Variants in NAALADL2 observed in about 807,000 individuals in gnomAD.
NAALADL2 encodes N-acetylated alpha-linked acidic dipeptidase like 2.
NAALADL2 carries 76 observed loss-of-function variants against 87.2 expected under a neutral mutation model. The observed-to-expected ratio is 0.87, with a 90% CI of 0.72 to 1.05. NAALADL2 has a LOEUF of 1.05. Among genes scored for constraint, NAALADL2 ranks in the 50% least tolerant of loss-of-function variants. The probability of loss-of-function intolerance (pLI) is 0.00; values close to 1 mark genes in which losing one functional copy is unlikely to be tolerated. For missense variants in NAALADL2, 1,089 were observed against 945.8 expected (o/e 1.15, Z -1.99); for synonymous variants, 354 against 331.0 (o/e 1.07, Z -0.75).
intron 5 of NAALADL2, among the ~76,000 whole-genome samples, chr3:175,344,166 G>T (rs6793937): frequency 0.44 from 67,282 of 151,582 alleles, 15,169 homozygotes; most frequent in East Asian, 0.65. Flanking sequence ...TTTATGTGTT[G>T]GCATCCAGGT....
chr3:175,576,075 G>A lies in NAALADL2; in HGVS notation c.1688G>A (p.Cys563Tyr). The part of the protein sequence containing the change: ...NNFNCTRRAQ[C>Y]PETNISSIQI... ...TTCAACTGTACCAGAAGAGCCCAGT[G>A]CCCAGAAACCAATATCAGTTCTATA... Residue 563 changes from cysteine (C) to tyrosine (Y), a missense_variant, in exon 10 of 14, where the codon TGC (cysteine) becomes TAC (tyrosine). Coordinates refer to ENST00000454872, the MANE Select transcript of NAALADL2 (RefSeq NM_207015.3). 6.2e-7 allele frequency: 1 copy of A among 1,613,048 alleles called. No homozygotes were observed. The highest frequency in any genetic ancestry group is 8.5e-7 in the Non-Finnish European group (1 of 1,179,406).
At chr3:174,457,493 TACTC>T (rs1182981613) in intron 1 of NAALADL2, among the ~76,000 whole-genome samples, 2 of 152,092 alleles carry the variant, frequency 1.3e-5, no homozygotes, top group African/African-American at 4.8e-5. Flanking sequence ...ATGTGGTAAA[TACTC>T]ACCATGGAAT....
At chr3:175,639,241 A>G (rs1728950150) in intron 11 of NAALADL2, among the ~76,000 whole-genome samples, 1 of 151,422 alleles carries the variant, frequency 6.6e-6, no homozygotes, top group Admixed American at 6.6e-5. Context: ...CTGTTAACTA[A>G]TTACTTCACT....
intron 11 of NAALADL2, among the ~76,000 whole-genome samples, chr3:175,679,518 A>G (rs1735302639): frequency 6.6e-6 from 1 of 152,196 alleles, no homozygotes; most frequent in Non-Finnish European, 1.5e-5. Flanking sequence ...CTTCTTGAGA[A>G]TGAACTTGAA....
chr3:175,157,760 T>C (rs949462306), intron 2 of NAALADL2, among the ~76,000 whole-genome samples: 4 of 152,080 alleles, frequency 2.6e-5, no homozygotes, highest in Non-Finnish European at 5.9e-5. Context: ...GAAAGTTATC[T>C]CGTAGAACAG....
Position 175,140,251 on chromosome 3 carries a change from G to T in NAALADL2, c.545+42960G>T, listed in dbSNP as rs1466808453. Among the ~76,000 whole-genome samples the T allele has an allele frequency of 5.3e-5, 8 of 152,208 alleles. No individual in the cohort carries two copies. In the East Asian group the frequency reaches 1.4e-3, roughly 26 times the overall value. On this transcript the variant is annotated intron_variant, in intron 2 of 13. Coordinates refer to ENST00000454872, the MANE Select transcript of NAALADL2 (RefSeq NM_207015.3). ...AAATCAGTTCTGGACCTCAGTAATAGGTGTAAGTTATAATGGTAACCATCC... is the reference window on the plus strand; with the variant it reads ...AAATCAGTTCTGGACCTCAGTAATATGTGTAAGTTATAATGGTAACCATCC...
intron 3 of NAALADL2, among the ~76,000 whole-genome samples, chr3:174,793,554 G>GTA (rs1717712321): frequency 1.3e-5 from 2 of 152,126 alleles, no homozygotes; most frequent in South Asian, 4.1e-4. Context: ...ATAGTTCTGA[G>GTA]TATAGTAAGT....
chr3:174,810,345 A>G (rs1396863668), intron 3 of NAALADL2, among the ~76,000 whole-genome samples: 1 of 152,192 alleles, frequency 6.6e-6, no homozygotes, highest in African/African-American at 2.4e-5. Context: ...CCAAATGCTG[A>G]TAATGATATG....
intron 2 of NAALADL2, among the ~76,000 whole-genome samples, chr3:174,733,056 T>A (rs1407140577): frequency 2.6e-5 from 4 of 152,128 alleles, no homozygotes; most frequent in Non-Finnish European, 4.4e-5. Flanking sequence ...CATAGTTGAG[T>A]GGGCTTTTTA....
At chr3:175,024,373 A>G (rs1002756158) in intron 1 of NAALADL2, among the ~76,000 whole-genome samples, 4 of 152,094 alleles carry the variant, frequency 2.6e-5, no homozygotes, top group African/African-American at 9.7e-5. Flanking sequence ...AAATGGAGAC[A>G]ATAACTAAGC....
In NAALADL2 at chr3:174,744,798, C is replaced by G. The variant is rs116520025; in HGVS notation, c.-9+7052C>G. ...AGAAGTCAAGATTAAGAAACTCACT[C>G]AAAACCAGACAACTATATGGAAATT... On this transcript the variant is annotated intron_variant, in intron 3 of 3. Transcript: ENST00000434257. 6.2e-3 allele frequency among the ~76,000 whole-genome samples: 949 copies of G among 152,226 alleles called. 8 individuals carry two copies. Among genetic ancestry groups the G allele is most frequent in the African/African-American group, 0.022 (898 of 41,554 alleles).
chr3:175,417,526 A>C (rs1677995098), intron 5 of NAALADL2, among the ~76,000 whole-genome samples: 1 of 152,072 alleles, frequency 6.6e-6, no homozygotes, highest in African/African-American at 2.4e-5. Flanking sequence ...TGAGTTTTAA[A>C]AAAAAACAAT....
At chr3:174,456,178 GA>G (rs1209555771) in intron 1 of NAALADL2, among the ~76,000 whole-genome samples, 7 of 151,940 alleles carry the variant, frequency 4.6e-5, no homozygotes, top group African/African-American at 1.7e-4. Context: ...TCTGTAATGA[GA>G]ACTACAAAAC....
At chr3:175,549,765 CT>C (rs1262757738) in intron 9 of NAALADL2, among the ~76,000 whole-genome samples, 3 of 151,968 alleles carry the variant, frequency 2.0e-5, no homozygotes, top group Non-Finnish European at 4.4e-5. Flanking sequence ...GTCTTTAAGA[CT>C]TACAGTCAGA....
At chr3:174,780,593 A>T (rs1384820506) in intron 3 of NAALADL2, among the ~76,000 whole-genome samples, 3 of 152,128 alleles carry the variant, frequency 2.0e-5, no homozygotes, top group African/African-American at 7.2e-5. Context: ...GCTTTTGCCC[A>T]TTCAGTATGA....
chr3:175,446,402 C>T (rs879273253), intron 5 of NAALADL2, among the ~76,000 whole-genome samples: 6 of 152,030 alleles, frequency 3.9e-5, no homozygotes, highest in Admixed American at 6.6e-5. Flanking sequence ...CCACCATACC[C>T]AGCTAATTTT....
At chr3:175,093,978 T>C (rs952390497) in intron 1 of NAALADL2, among the ~76,000 whole-genome samples, 16 of 152,014 alleles carry the variant, frequency 1.1e-4, no homozygotes, top group African/African-American at 3.9e-4. Flanking sequence ...TGCCTCACCA[T>C]TGCAGTTGGC....
In NAALADL2 at chr3:175,583,490, C is replaced by CAAA. The variant is rs10681728; in HGVS notation, c.1800+7317_1800+7319dup. ...TACGACAATCTGAAAGGATGAGCTG[C>CAAA]AAAAAAAAAAAAAAAATCAGATGTG... is the stretch of plus-strand genomic sequence containing the variant. On this transcript the variant is annotated intron_variant, in intron 10 of 13. Coordinates refer to ENST00000454872, the MANE Select transcript of NAALADL2 (RefSeq NM_207015.3). Among the ~76,000 whole-genome samples, 808 of 138,550 alleles carry CAAA rather than the reference C, an allele frequency of 5.8e-3. 10 individuals carry two copies. The highest frequency in any genetic ancestry group is 9.8e-3 in the African/African-American group (373 of 37,912). The allele number at this position is 138,550 out of a possible 152,430, so 90.9% of individuals were successfully genotyped here.
intron 9 of NAALADL2, among the ~76,000 whole-genome samples, chr3:175,509,441 A>C (rs1730826846): frequency 6.6e-6 from 1 of 152,216 alleles, no homozygotes; most frequent in Non-Finnish European, 1.5e-5. Context: ...CATTGTACAC[A>C]TATCACCTGC....
Sources: gnomAD v4.1 joint callset for allele counts (sites outside exome capture counted in the v4.1 genomes callset) on GRCh38, gnomAD v4.1.1 for gene constraint, MANE v1.5 for transcripts, NCBI Gene and HGNC (gene_info 2026-07-23, HGNC 2026-07-21) for gene names.